The following MAP2K5 variants were observed in gnomAD, a reference collection of about 807,000 sequenced individuals.
MAP2K5 encodes the protein dual specificity mitogen-activated protein kinase kinase 5.
In MAP2K5, 49 loss-of-function variants were observed where a neutral mutation model predicts 83.1. The observed-to-expected ratio is 0.59, with a 90% CI of 0.47 to 0.75. MAP2K5 has a LOEUF of 0.75. MAP2K5 is among the 30% of genes least tolerant of loss of function. MAP2K5 has a pLI of 0.00. For missense variants in MAP2K5, 457 were observed against 557.5 expected, an observed-to-expected ratio of 0.82 and a Z score of 1.82; for synonymous variants, 202 against 191.8, an observed-to-expected ratio of 1.05 and a Z score of -0.44.
At chr15:67,681,857 C>A (rs937892510) in intron 13 of MAP2K5, among the ~76,000 whole-genome samples, 1 of 152,134 alleles carries the variant, frequency 6.6e-6, no homozygotes, top group Non-Finnish European at 1.5e-5. Context: ...TTCATTTGAG[C>A]TCCCTTGCCT....
At position 67,713,764 on chromosome 15, in the gene MAP2K5, C is replaced by G. The variant is rs373279612; in HGVS notation, c.1044+10356C>G. Among the ~76,000 whole-genome samples, 204 of 152,068 alleles carry G rather than the reference C, an allele frequency of 1.3e-3. 2 individuals are homozygous for G. Among genetic ancestry groups the G allele is most frequent in the African/African-American group, 4.8e-3 (201 of 41,506 alleles). The stretch of plus-strand genomic sequence containing the variant: ...AAAAAAAAAAAGTGGCATGGATCAC[C>G]CAGCCCAGTACCCTTGACAGAAGCT... On this transcript the variant is annotated intron_variant, in intron 16 of 21. Transcript: ENST00000178640.
rs995847848 is a variant in MAP2K5, at chr15:67,738,238, G to A, written c.1075-9993G>A. 2.0e-5 allele frequency among the ~76,000 whole-genome samples: 3 copies of A among 152,180 alleles called. No individual in the cohort carries two copies. The highest frequency in any genetic ancestry group is 4.4e-5 in the Non-Finnish European group (3 of 68,026). ...GGGGTAATGAAGCTTGTCTTGTTTTGTTTTCTGTTCAGAAACAAGTTGCAG... is the reference window on the plus strand; with the variant it reads ...GGGGTAATGAAGCTTGTCTTGTTTTATTTTCTGTTCAGAAACAAGTTGCAG... On this transcript the variant is annotated intron_variant, in intron 17 of 21. Transcript: ENST00000178640. This position sits in a 1 kb window ranked among gnomAD's most constrained non-coding sequence, Gnocchi z 4.1.
chr15:67,749,222 G>T lies in MAP2K5; in HGVS notation c.1134+621G>T, dbSNP rs1050078889. The stretch of plus-strand genomic sequence containing the variant: ...AATTCCACTGTTCCTTTGCCTTCAT[G>T]GTGCTAATCTACCTGCCTTTCTCTC... On this transcript the variant is annotated intron_variant, in intron 19 of 21. Transcript: ENST00000178640. This position sits in a 1 kb window ranked among gnomAD's most constrained non-coding sequence, Gnocchi z 4.6. Among the ~76,000 whole-genome samples, 1 of 152,086 alleles carries T rather than the reference G, an allele frequency of 6.6e-6. No homozygotes were observed. Among genetic ancestry groups the T allele is most frequent in the East Asian group, 1.9e-4 (1 of 5,186 alleles).
At chr15:67,655,611 A>G (rs2087053300) in intron 11 of MAP2K5, among the ~76,000 whole-genome samples, 1 of 152,106 alleles carries the variant, frequency 6.6e-6, no homozygotes, top group African/African-American at 2.4e-5. Flanking sequence ...TGTAATTGAA[A>G]TGTCACTTCT....
intron 19 of MAP2K5, among the ~76,000 whole-genome samples, chr15:67,751,012 G>A (rs1435483693): frequency 1.3e-5 from 2 of 152,026 alleles, no homozygotes; most frequent in Non-Finnish European, 2.9e-5. Flanking sequence ...CTTATTATGT[G>A]GATTCAGCTT....
intron 8 of MAP2K5, among the ~76,000 whole-genome samples, chr15:67,619,046 C>G (rs548214242): frequency 6.6e-6 from 1 of 152,306 alleles, no homozygotes; most frequent in South Asian, 2.1e-4. Context: ...CTGACCTCAT[C>G]TCCCCCAGCT....
chr15:67,567,381 A>G (rs2583585), intron 3 of MAP2K5, among the ~76,000 whole-genome samples: 23,353 of 142,518 alleles, frequency 0.16, 2,623 homozygotes, highest in African/African-American at 0.32. Context: ...TTTTTGAGAC[A>G]GAGTCTCGCT....
At chr15:67,558,310 T>G (rs1567271617) in intron 2 of MAP2K5, among the ~76,000 whole-genome samples, 1 of 152,188 alleles carries the variant, frequency 6.6e-6, no homozygotes, top group African/African-American at 2.4e-5. Context: ...TATATCCCAT[T>G]CATCAGCAAG....
In MAP2K5 at chr15:67,760,597, A is replaced by G. The variant is rs1170767471; in HGVS notation, c.1135-9005A>G. Among the ~76,000 whole-genome samples, 1 of 152,194 alleles carries G rather than the reference A, an allele frequency of 6.6e-6. No individual in the cohort carries two copies. Among genetic ancestry groups the G allele is most frequent in the Non-Finnish European group, 1.5e-5 (1 of 68,028 alleles). On this transcript the variant is annotated intron_variant, in intron 19 of 21. Coordinates refer to ENST00000178640, the MANE Select transcript of MAP2K5 (RefSeq NM_145160.3). The surrounding 1 kb of genome is among the most constrained non-coding windows in gnomAD (Gnocchi z 4.1). ...CAATTAGATTTGTGGGGATTTTTTAACCAGGAAAAATTCTGCATCTTTAGG... is the reference window on the plus strand; with the variant it reads ...CAATTAGATTTGTGGGGATTTTTTAGCCAGGAAAAATTCTGCATCTTTAGG...
At chr15:67,631,611 C>T (rs2086475728) in intron 9 of MAP2K5, among the ~76,000 whole-genome samples, 1 of 152,194 alleles carries the variant, frequency 6.6e-6, no homozygotes. Flanking sequence ...TCAGGCTACA[C>T]ACAACTCAGG....
chr15:67,568,997 C>T (rs2084896747), intron 3 of MAP2K5, among the ~76,000 whole-genome samples: 1 of 112,618 alleles, frequency 8.9e-6, no homozygotes, highest in Non-Finnish European at 1.7e-5. Context: ...CAGAGCAAGA[C>T]TCCATCTCAA....
At chr15:67,585,823 G>T (rs1175572668) in intron 4 of MAP2K5, 67 bp from the exon 5 acceptor site, 8 of 1,380,958 alleles carry the variant, frequency 5.8e-6, no homozygotes, top group Admixed American at 3.4e-5. Context: ...CTTTTTAAAC[G>T]ATTCATTTTG....
intron 13 of MAP2K5, among the ~76,000 whole-genome samples, chr15:67,666,760 A>G (rs1179252766): frequency 6.6e-6 from 1 of 152,272 alleles, no homozygotes; most frequent in East Asian, 1.9e-4. Context: ...ATAAAATGCC[A>G]CCTGTTGTGA....
At chr15:67,576,128 G>C (rs968694644) in intron 3 of MAP2K5, among the ~76,000 whole-genome samples, 2 of 145,496 alleles carry the variant, frequency 1.4e-5, no homozygotes, top group Admixed American at 1.4e-4. Flanking sequence ...TGTTGGCCAG[G>C]CTGGTCTTGA....
intron 13 of MAP2K5, among the ~76,000 whole-genome samples, chr15:67,667,413 CTAAA>C (rs751103769): frequency 1.2e-4 from 18 of 152,062 alleles, no homozygotes; most frequent in Non-Finnish European, 1.6e-4. Flanking sequence ...TTTGCTTTCT[CTAAA>C]TGAATGATGA....
chr15:67,765,197 A>G (rs982830206), intron 19 of MAP2K5, among the ~76,000 whole-genome samples: 3 of 152,196 alleles, frequency 2.0e-5, no homozygotes, highest in Non-Finnish European at 4.4e-5. Context: ...CGTTTCTATT[A>G]AAAATTCAAA....
In MAP2K5 at chr15:67,707,696, G is replaced by A. The variant is rs182158770; in HGVS notation, c.1044+4288G>A. On this transcript the variant is annotated intron_variant, in intron 16 of 21. Transcript: ENST00000178640. ...TCTGAGCCACAAGGGGAAGGGGGTG[G>A]GGTTTCACACAAAGGAATTGACATT... Among the ~76,000 whole-genome samples the A allele has an allele frequency of 3.4e-3, 513 of 152,210 alleles. 1 individual carries two copies. The highest frequency in any genetic ancestry group is 5.7e-3 in the Non-Finnish European group (387 of 68,004).
intron 9 of MAP2K5, among the ~76,000 whole-genome samples, chr15:67,633,578 TAG>T (rs1199353917): frequency 5.3e-5 from 8 of 152,248 alleles, no homozygotes; most frequent in African/African-American, 1.9e-4. Context: ...GTTAGGAAAG[TAG>T]AGACTGTCAG....
At position 67,577,219 on chromosome 15, in the gene MAP2K5, G is replaced by C. The variant is rs1363908631; in HGVS notation, c.253-3535G>C. ...CAAAGTGCTGGGATTACAGGCGTGAGCCACCGTGCCCGGCCAGTAACCCTA... is the reference window on the plus strand; with the variant it reads ...CAAAGTGCTGGGATTACAGGCGTGACCCACCGTGCCCGGCCAGTAACCCTA... On this transcript the variant is annotated intron_variant, in intron 3 of 21. Transcript: ENST00000178640. This position sits in a 1 kb window ranked among gnomAD's most constrained non-coding sequence, Gnocchi z 4.1. 6.6e-6 allele frequency among the ~76,000 whole-genome samples: 1 copy of C among 152,140 alleles called. No homozygotes were observed.
Sources: gnomAD v4.1 joint callset for allele counts (sites outside exome capture counted in the v4.1 genomes callset) on GRCh38, gnomAD v4.1.1 for gene constraint, Gnocchi (gnomAD v3.1) non-coding constraint, MANE v1.5 for transcripts, NCBI Gene and HGNC (gene_info 2026-07-23, HGNC 2026-07-21) for gene names.